The following MTCH1 variants were observed in gnomAD, a reference collection of about 807,000 sequenced individuals.
MTCH1 encodes mitochondrial carrier homolog 1.
In MTCH1, 23 loss-of-function variants were observed where a neutral mutation model predicts 49.3. The ratio of observed to expected loss-of-function variants is 0.47; its 90% CI spans 0.34 to 0.66. The LOEUF is 0.66. Ranked by LOEUF, MTCH1 falls within the 30% of genes least tolerant of loss-of-function variation. MTCH1 has a pLI of 0.01. For missense variants in MTCH1, 397 were observed against 532.1 expected, an observed-to-expected ratio of 0.75 and a Z score of 2.50; for synonymous variants, 229 against 215.2, an observed-to-expected ratio of 1.06 and a Z score of -0.56.
rs1270774205 is a variant in MTCH1, at chr6:36,982,037, C to T, written c.322-365G>A. ...CAGAACAAATCTCAGTTATTCTCAT[C>T]TCCAGATGAAAAACTTCATTCCAAC... On this transcript the variant is annotated intron_variant, in intron 1 of 11. Transcript: ENST00000373627. The surrounding 1 kb of genome is among the most constrained non-coding windows in gnomAD (Gnocchi z 4.1). 6.6e-6 allele frequency among the ~76,000 whole-genome samples: 1 copy of T among 152,202 alleles called. No homozygotes were observed. The highest frequency in any genetic ancestry group is 2.4e-5 in the African/African-American group (1 of 41,444).
chr6:36,969,033 G>A lies in MTCH1; in HGVS notation c.1099-59C>T, dbSNP rs549698764. The A allele has an allele frequency of 1.9e-5, 31 of 1,593,364 alleles. No homozygotes were observed. In the East Asian group the frequency reaches 2.0e-4, roughly 10 times the overall value. On this transcript the variant is annotated intron_variant, in intron 11 of 11. Transcript: ENST00000373627. ...GGAGGCCACGCTTCCTTGTCCCTCC[G>A]AGAGGAAGGCCAGTGTCAGGCAAAG... is the stretch of plus-strand genomic sequence containing the variant.
At chr6:36,983,430 C>T (rs374164410) in intron 1 of MTCH1, among the ~76,000 whole-genome samples, 7 of 152,316 alleles carry the variant, frequency 4.6e-5, no homozygotes, top group African/African-American at 1.7e-4. Flanking sequence ...CCACTGACCC[C>T]AATTTCATAC....
intron 1 of MTCH1, among the ~76,000 whole-genome samples, chr6:36,985,102 T>C (rs570498745): frequency 3.9e-4 from 53 of 134,342 alleles, no homozygotes; most frequent in African/African-American, 1.5e-3. Context: ...CGTCACCCTG[T>C]CCCCTCCTCC....
intron 1 of MTCH1, 70 bp from the exon 2 acceptor site, chr6:36,981,742 C>A: frequency 7.7e-7 from 1 of 1,293,102 alleles, no homozygotes; most frequent in South Asian, 1.4e-5. Context: ...CCTCTCCTCA[C>A]ACCTCTTGCC....
intron 7 of MTCH1, 142 bp downstream of exon 7, chr6:36,975,516 G>T: frequency 1.3e-6 from 1 of 755,530 alleles, no homozygotes. Context: ...ATGGAGCTCT[G>T]GAGAGCTGGC....
At chr6:36,970,510 C>G in intron 9 of MTCH1, 37 bp from the exon 10 acceptor site, 1 of 1,612,238 alleles carries the variant, frequency 6.2e-7, no homozygotes, top group Non-Finnish European at 8.5e-7. Flanking sequence ...AGTGACCCAC[C>G]CCGGCCCAGG....
Position 36,982,505 on chromosome 6 carries a change from A to C in MTCH1, c.322-833T>G, listed in dbSNP as rs1044797634. Among the ~76,000 whole-genome samples the C allele has an allele frequency of 1.3e-5, 2 of 151,840 alleles. No homozygotes were observed. Among genetic ancestry groups the C allele is most frequent in the African/African-American group, 4.8e-5 (2 of 41,254 alleles). ...CGGGTTCAAGTGATTCTCCTACCCCAGCCTCCCAAGTAGCTGGGAATACAA... is the reference window on the plus strand; with the variant it reads ...CGGGTTCAAGTGATTCTCCTACCCCCGCCTCCCAAGTAGCTGGGAATACAA... On this transcript the variant is annotated intron_variant, in intron 1 of 11. Coordinates refer to ENST00000373627, the MANE Select transcript of MTCH1 (RefSeq NM_001271641.2). This position sits in a 1 kb window ranked among gnomAD's most constrained non-coding sequence, Gnocchi z 4.1.
intron 11 of MTCH1, chr6:36,969,415 C>G: frequency 9.4e-7 from 1 of 1,068,154 alleles, no homozygotes; most frequent in African/African-American, 1.7e-5. Flanking sequence ...CCCCATTTCA[C>G]TGCGAGGCAA....
chr6:36,969,037 G>A, intron 11 of MTCH1, 63 bp from the exon 12 acceptor site: 1 of 1,589,334 alleles, frequency 6.3e-7, no homozygotes, highest in Admixed American at 1.7e-5. Flanking sequence ...CCCTCCGAGA[G>A]GAAGGCCAGT....
rs1263138441 is a variant in MTCH1 at position 36,977,551 on chromosome 6, G to A, written c.649+83C>T. 2.1e-6 allele frequency: 2 copies of A among 946,484 alleles called. No individual in the cohort carries two copies. The highest frequency in any genetic ancestry group is 3.3e-6 in the Non-Finnish European group (2 of 605,988). 58.6% of individuals were successfully genotyped at this position (946,484 alleles called of 1,614,324 possible). A position where few individuals can be genotyped will look rare whatever the true frequency, so the allele number is the denominator to read the frequency against. ...TCCCAACAGGTCTACGGCTGTCTAT[G>A]TACAGTCCACGAGGGGGCGCCCCTC... On this transcript the variant is annotated intron_variant, in intron 5 of 11. Coordinates refer to ENST00000373627, the MANE Select transcript of MTCH1 (RefSeq NM_001271641.2). This position sits in a 1 kb window ranked among gnomAD's most constrained non-coding sequence, Gnocchi z 5.4.
At chr6:36,978,339 CT>C (rs1763965078) in intron 3 of MTCH1, among the ~76,000 whole-genome samples, 165 bp downstream of exon 3, 1 of 152,178 alleles carries the variant, frequency 6.6e-6, no homozygotes, top group Non-Finnish European at 1.5e-5. Flanking sequence ...GGTGTCACAG[CT>C]GTGGGAAAGC....
In MTCH1 at chr6:36,968,717, G is replaced by A. The variant is rs1179067778; in HGVS notation, c.*186C>T. On this transcript the variant is annotated 3_prime_UTR_variant, in exon 12 of 12. Transcript: ENST00000373627. The stretch of plus-strand genomic sequence containing the variant: ...GGTCTGCCGGGTGACCCAATCCACT[G>A]GGTGCAGCCCCACCCCCGCTCAACC... 1.1e-6 allele frequency: 1 copy of A among 948,348 alleles called. No homozygotes were observed. The highest frequency in any genetic ancestry group is 2.1e-5 in the Admixed American group (1 of 48,700). The allele number at this position is 948,348 out of a possible 1,614,324, so 58.7% of individuals were successfully genotyped here. A position where few individuals can be genotyped will look rare whatever the true frequency, so the allele number is the denominator to read the frequency against.
At chr6:36,974,881 G>A (rs1763810792) in intron 7 of MTCH1, among the ~76,000 whole-genome samples, 1 of 152,212 alleles carries the variant, frequency 6.6e-6, no homozygotes, top group East Asian at 1.9e-4. Flanking sequence ...TACCACGTTT[G>A]TGACATACTT....
chr6:36,974,583 G>A (rs1428336194), intron 7 of MTCH1, among the ~76,000 whole-genome samples: 1 of 152,104 alleles, frequency 6.6e-6, no homozygotes, highest in East Asian at 1.9e-4. Context: ...AGGATGTTTA[G>A]CAGCGTCTCT....
At chr6:36,978,438 T>G in intron 3 of MTCH1, 67 bp downstream of exon 3, 2 of 1,493,482 alleles carry the variant, frequency 1.3e-6, no homozygotes, top group Non-Finnish European at 1.9e-6. Context: ...GGTAACTGGC[T>G]GCTGCAGGGG....
intron 8 of MTCH1, 51 bp from the exon 9 acceptor site, chr6:36,970,745 G>C (rs749304318): frequency 4.4e-6 from 7 of 1,581,036 alleles, no homozygotes; most frequent in South Asian, 1.1e-5. Flanking sequence ...TCAGGATGCA[G>C]ACTTCAGCAA....
At chr6:36,983,003 G>A (rs115191091) in intron 1 of MTCH1, among the ~76,000 whole-genome samples, 9,539 of 152,316 alleles carry the variant, frequency 0.063, 417 homozygotes, top group Middle Eastern at 0.16. Context: ...CTTGTAAACT[G>A]GATTAGGTAT....
rs1764135874 is a variant in MTCH1 at position 36,982,530 on chromosome 6, A to G, written c.322-858T>C. ...AGCCTCCCAAGTAGCTGGGAATACA[A>G]GCACCCGCCACCATACCCGGCAAAT... On this transcript the variant is annotated intron_variant, in intron 1 of 11. Coordinates refer to ENST00000373627, the MANE Select transcript of MTCH1 (RefSeq NM_001271641.2). The surrounding 1 kb of genome is among the most constrained non-coding windows in gnomAD (Gnocchi z 4.1). Among the ~76,000 whole-genome samples the G allele has an allele frequency of 6.6e-6, 1 of 151,882 alleles. No homozygotes were observed. The highest frequency in any genetic ancestry group is 1.5e-5 in the Non-Finnish European group (1 of 67,940).
At chr6:36,970,358 C>G in intron 10 of MTCH1, 48 bp downstream of exon 10, 1 of 1,608,720 alleles carries the variant, frequency 6.2e-7, no homozygotes, top group South Asian at 1.1e-5. Context: ...TCTCCCCCAC[C>G]CCACAGCCTT....
Sources: gnomAD v4.1 joint callset for allele counts (sites outside exome capture counted in the v4.1 genomes callset) on GRCh38, gnomAD v4.1.1 for gene constraint, Gnocchi (gnomAD v3.1) non-coding constraint, MANE v1.5 for transcripts, NCBI Gene and HGNC (gene_info 2026-07-23, HGNC 2026-07-21) for gene names.